SEC22A: variants seen among roughly 807,000 people sequenced by gnomAD.
SEC22A encodes the protein vesicle-trafficking protein SEC22a.
SEC22A carries 22 observed loss-of-function variants against 35.3 expected under a neutral mutation model. The ratio of observed to expected loss-of-function variants is 0.62; its 90% CI spans 0.45 to 0.89. The LOEUF is 0.89. Ranked by LOEUF, SEC22A falls within the 40% of genes least tolerant of loss-of-function variation. The pLI is 0.00. For missense variants in SEC22A, 354 were observed against 362.5 expected (o/e 0.98, Z 0.19); for synonymous variants, 119 against 129.5 (o/e 0.92, Z 0.55).
intron 2 of SEC22A, among the ~76,000 whole-genome samples, chr3:123,210,677 A>C (rs1258667687): frequency 6.6e-6 from 1 of 152,214 alleles, no homozygotes; most frequent in Non-Finnish European, 1.5e-5. Flanking sequence ...TTAGACGTGA[A>C]ACAATTAGAG....
chr3:123,252,585 C>T (rs1250545573), intron 5 of SEC22A, among the ~76,000 whole-genome samples: 1 of 152,128 alleles, frequency 6.6e-6, no homozygotes, highest in Non-Finnish European at 1.5e-5. Context: ...TTAAAGCTTA[C>T]TTTTTTAAAG....
intron 2 of SEC22A, among the ~76,000 whole-genome samples, chr3:123,221,049 A>G (rs2108043450): frequency 6.6e-6 from 1 of 151,738 alleles, no homozygotes; most frequent in South Asian, 2.1e-4. Flanking sequence ...ATACCCTTTT[A>G]TTTTTCATTC....
chr3:123,240,384 T>A (rs1360948343), intron 4 of SEC22A, among the ~76,000 whole-genome samples: 2 of 152,228 alleles, frequency 1.3e-5, no homozygotes, highest in African/African-American at 4.8e-5. Context: ...GAACTTTATA[T>A]AAAAGAAGAC....
intron 4 of SEC22A, among the ~76,000 whole-genome samples, chr3:123,242,483 A>T (rs1467080830): frequency 1.4e-5 from 2 of 146,472 alleles, no homozygotes; most frequent in African/African-American, 5.1e-5. Flanking sequence ...ATGACATCTT[A>T]CTTCTTTTTC....
At chr3:123,245,754 T>C (rs1937561062) in intron 4 of SEC22A, 145 bp from the exon 5 acceptor site, 1 of 554,690 alleles carries the variant, frequency 1.8e-6, no homozygotes, top group Non-Finnish European at 3.2e-6. Context: ...TTTATAACAG[T>C]ATTTAATTGT....
chr3:123,225,013 A>G (rs1316605268), intron 3 of SEC22A, 90 bp from the exon 4 acceptor site: 1 of 801,972 alleles, frequency 1.2e-6, no homozygotes, highest in Non-Finnish European at 2.0e-6. Flanking sequence ...ATAATAAACT[A>G]CCTGTAATAT....
chr3:123,203,053 CTTTTTTTTTTTTTT>C (rs779433710), intron 1 of SEC22A, among the ~76,000 whole-genome samples: 26 of 43,838 alleles, frequency 5.9e-4, no homozygotes, highest in South Asian at 9.2e-4. Context: ...TGTTTAGTGC[CTTTTTTTTTTTTTT>C]TTTTTTTTTT....
At chr3:123,222,737 C>T (rs745516520) in intron 2 of SEC22A, among the ~76,000 whole-genome samples, 27 of 152,066 alleles carry the variant, frequency 1.8e-4, no homozygotes, top group Non-Finnish European at 3.7e-4. Flanking sequence ...TTAGAGAGTA[C>T]TTGGTGAAGG....
chr3:123,220,936 C>T (rs1937112750), intron 2 of SEC22A, among the ~76,000 whole-genome samples: 1 of 145,590 alleles, frequency 6.9e-6, no homozygotes, highest in Admixed American at 6.8e-5. Flanking sequence ...TACTTACAAG[C>T]TCTCACAGGA....
chr3:123,248,238 A>G (rs1937581926), intron 5 of SEC22A, among the ~76,000 whole-genome samples: 1 of 152,196 alleles, frequency 6.6e-6, no homozygotes, highest in South Asian at 2.1e-4. Flanking sequence ...GAAATAAAAG[A>G]TATACAGATT....
chr3:123,233,749 T>A (rs1218961076), intron 4 of SEC22A, among the ~76,000 whole-genome samples: 1 of 152,178 alleles, frequency 6.6e-6, no homozygotes. Context: ...TTATATCTAA[T>A]GGTGAAAGAC....
intron 4 of SEC22A, among the ~76,000 whole-genome samples, chr3:123,235,121 C>G (rs28851831): frequency 0.2 from 29,865 of 151,922 alleles, 3,038 homozygotes; most frequent in Middle Eastern, 0.28. Flanking sequence ...TCGCACTCGT[C>G]GGCTCAAACA....
intron 3 of SEC22A, 82 bp downstream of exon 3, chr3:123,223,804 G>T (rs1937172828): frequency 1.0e-6 from 1 of 965,994 alleles, no homozygotes; most frequent in Non-Finnish European, 1.5e-6. Context: ...GGGTGGAGGG[G>T]GGACTTCTGC....
intron 6 of SEC22A, among the ~76,000 whole-genome samples, chr3:123,269,777 C>T (rs903078273): frequency 1.3e-5 from 2 of 151,642 alleles, no homozygotes; most frequent in Non-Finnish European, 2.9e-5. Context: ...GGACTACAGG[C>T]GCCCGCCACC....
intron 5 of SEC22A, among the ~76,000 whole-genome samples, chr3:123,259,249 T>G (rs541003039): frequency 1.3e-5 from 2 of 152,342 alleles, no homozygotes; most frequent in African/African-American, 2.4e-5. Context: ...TTTATCGTTA[T>G]GTCAGAACTT....
At chr3:123,229,278 C>G (rs1253466938) in intron 4 of SEC22A, among the ~76,000 whole-genome samples, 5 of 152,124 alleles carry the variant, frequency 3.3e-5, no homozygotes, top group African/African-American at 1.2e-4. Context: ...ACCTGTATAA[C>G]AAACCTGTCC....
intron 5 of SEC22A, 129 bp from the exon 6 acceptor site, chr3:123,259,395 G>A: frequency 1.5e-6 from 1 of 649,352 alleles, no homozygotes; most frequent in South Asian, 2.0e-5. Flanking sequence ...GGACTCTTGA[G>A]AATTTCTATA....
chr3:123,260,823 A>G (rs966937733), intron 6 of SEC22A, among the ~76,000 whole-genome samples: 6 of 147,418 alleles, frequency 4.1e-5, no homozygotes, highest in Admixed American at 3.4e-4. Flanking sequence ...TTTTAAAATC[A>G]CTTGATTTTC....
chr3:123,247,069 G>A (rs947145475), intron 5 of SEC22A, among the ~76,000 whole-genome samples: 3 of 152,168 alleles, frequency 2.0e-5, no homozygotes, highest in Non-Finnish European at 2.9e-5. Flanking sequence ...AGGACAGCTG[G>A]CTGCTGTCCC....
Sources: gnomAD v4.1 joint callset for allele counts (sites outside exome capture counted in the v4.1 genomes callset) on GRCh38, gnomAD v4.1.1 for gene constraint, MANE v1.5 for transcripts, NCBI Gene and HGNC (gene_info 2026-07-23, HGNC 2026-07-21) for gene names.